The following ATXN8OS variants were observed in gnomAD, a reference collection of about 807,000 sequenced individuals.
The protein encoded by ATXN8OS is ATXN8 opposite strand lncRNA.
At position 70,150,671 on chromosome 13, in the gene ATXN8OS, C is replaced by T. The variant is rs141133580; in HGVS notation, n.573+3243C>T. 3.9e-4 allele frequency among the ~76,000 whole-genome samples: 60 copies of T among 152,120 alleles called. No individual in the cohort carries two copies. In the East Asian group the frequency reaches 0.011, roughly 28 times the overall value. ...TGTCTGTTGAAAGGCCTAATAAGCA[C>T]ATCTTTCTAAAGTAATTACTGACTC... is the stretch of plus-strand genomic sequence containing the variant. On this transcript the variant is annotated intron_variant and non_coding_transcript_variant, in intron 4 of 4. Coordinates refer to ENST00000678624, the Ensembl canonical transcript of ATXN8OS.
intron 4 of ATXN8OS, among the ~76,000 whole-genome samples, chr13:70,150,662 T>A (rs751709219): frequency 6.6e-6 from 1 of 152,048 alleles, no homozygotes; most frequent in Non-Finnish European, 1.5e-5. Context: ...TTGAAAGGCC[T>A]AATAAGCACA....
At chr13:70,168,398 A>T (rs1889104143) in intron 4 of ATXN8OS, among the ~76,000 whole-genome samples, 1 of 152,026 alleles carries the variant, frequency 6.6e-6, no homozygotes, top group Non-Finnish European at 1.5e-5. Flanking sequence ...AGCTATTTTG[A>T]AATATACAAT....
intron 1 of ATXN8OS, among the ~76,000 whole-genome samples, chr13:70,112,564 G>T (rs1227363904): frequency 6.6e-6 from 1 of 152,048 alleles, no homozygotes; most frequent in Non-Finnish European, 1.5e-5. Flanking sequence ...TTACTTAAGT[G>T]TCAATTAAGT....
Position 70,119,030 on chromosome 13 carries a change from T to C in ATXN8OS, n.398+3732T>C, listed in dbSNP as rs147746248. Among the ~76,000 whole-genome samples the C allele has an allele frequency of 3.7e-3, 570 of 152,206 alleles. 1 individual carries two copies. The highest frequency in any genetic ancestry group is 0.013 in the African/African-American group (534 of 41,544). On this transcript the variant is annotated intron_variant and non_coding_transcript_variant, in intron 2 of 4. Coordinates refer to ENST00000678624, the Ensembl canonical transcript of ATXN8OS. ...ATTTCAATAAATCAATCAGTCAGTATTGAGAATCAGCTGTGTGCTCAGCCC... is the reference window on the plus strand; with the variant it reads ...ATTTCAATAAATCAATCAGTCAGTACTGAGAATCAGCTGTGTGCTCAGCCC...
At chr13:70,132,593 A>G (rs567572144) in intron 3 of ATXN8OS, among the ~76,000 whole-genome samples, 10 of 152,206 alleles carry the variant, frequency 6.6e-5, no homozygotes, top group African/African-American at 2.4e-4. Flanking sequence ...AAACTTGCAC[A>G]TGTACCCCCA....
intron 2 of ATXN8OS, among the ~76,000 whole-genome samples, chr13:70,122,484 C>T (rs1052502115): frequency 6.0e-5 from 9 of 150,832 alleles, no homozygotes; most frequent in Non-Finnish European, 1.2e-4. Flanking sequence ...CATTCATTAT[C>T]TCCTGTCCTT....
intron 4 of ATXN8OS, among the ~76,000 whole-genome samples, chr13:70,161,558 C>T (rs1211041422): frequency 6.6e-6 from 1 of 152,048 alleles, no homozygotes. Context: ...TTCTAAAATA[C>T]CCAACCCACT....
At chr13:70,167,739 T>TTTA (rs67225755) in intron 4 of ATXN8OS, among the ~76,000 whole-genome samples, 6 of 111,332 alleles carry the variant, frequency 5.4e-5, no homozygotes, top group Non-Finnish European at 1.1e-4. Flanking sequence ...TTTTTTTTTT[T>TTTA]TTTTTTTTTT....
chr13:70,108,264 G>A (rs1440199058), intron 1 of ATXN8OS: 7 of 381,288 alleles, frequency 1.8e-5, no homozygotes, highest in Non-Finnish European at 9.3e-6. Context: ...CTGCGCCCCT[G>A]TCCCTGGCCT....
At chr13:70,169,885 C>G (rs1053260408) in exon 5 of ATXN8OS, among the ~76,000 whole-genome samples, 2 of 152,086 alleles carry the variant, frequency 1.3e-5, no homozygotes, top group Non-Finnish European at 2.9e-5. Context: ...CAGCTCCACA[C>G]CACCTCCTGG....
At chr13:70,136,101 T>A (rs12585505) in intron 3 of ATXN8OS, among the ~76,000 whole-genome samples, 34,200 of 152,084 alleles carry the variant, frequency 0.22, 4,313 homozygotes, top group East Asian at 0.53. Flanking sequence ...GACTTATTTG[T>A]TGGTGCAAAG....
intron 4 of ATXN8OS, among the ~76,000 whole-genome samples, chr13:70,150,410 T>G (rs1888851615): frequency 6.6e-6 from 1 of 152,104 alleles, no homozygotes; most frequent in Non-Finnish European, 1.5e-5. Context: ...TTACAGGGTG[T>G]AACAAGAAAG....
At chr13:70,110,928 G>T (rs1888191165) in intron 1 of ATXN8OS, among the ~76,000 whole-genome samples, 1 of 152,048 alleles carries the variant, frequency 6.6e-6, no homozygotes, top group African/African-American at 2.4e-5. Context: ...ACATAATAAA[G>T]ACCACTTTTA....
At chr13:70,136,576 A>C (rs945987669) in intron 3 of ATXN8OS, among the ~76,000 whole-genome samples, 3 of 152,014 alleles carry the variant, frequency 2.0e-5, no homozygotes, top group Non-Finnish European at 4.4e-5. Context: ...CAATTTTAAA[A>C]ATCTCCTCGT....
chr13:70,120,756 T>C (rs1888348602), intron 2 of ATXN8OS, among the ~76,000 whole-genome samples: 2 of 152,014 alleles, frequency 1.3e-5, no homozygotes, highest in Admixed American at 1.3e-4. Flanking sequence ...AAATGATGAG[T>C]TCATGTCCTT....
intron 2 of ATXN8OS, among the ~76,000 whole-genome samples, chr13:70,125,718 C>G (rs542115963): frequency 1.3e-5 from 2 of 152,224 alleles, no homozygotes; most frequent in Non-Finnish European, 2.9e-5. Context: ...CATCTTTGTT[C>G]TGAGAATTTC....
exon 1 of ATXN8OS, chr13:70,107,932 AC>A (rs1888117069): frequency 2.0e-6 from 1 of 491,130 alleles, no homozygotes; most frequent in East Asian, 3.1e-5. Flanking sequence ...GGGCGTGGGG[AC>A]ACCACCAGGC....
chr13:70,119,427 AC>A (rs1888327601), intron 2 of ATXN8OS, among the ~76,000 whole-genome samples: 1 of 152,048 alleles, frequency 6.6e-6, no homozygotes, highest in Admixed American at 6.6e-5. Flanking sequence ...TCTTTCTCTG[AC>A]CCAGTTCTGA....
chr13:70,137,059 T>C (rs928569559), intron 3 of ATXN8OS, among the ~76,000 whole-genome samples: 1 of 152,206 alleles, frequency 6.6e-6, no homozygotes, highest in Non-Finnish European at 1.5e-5. Context: ...TCAAAGTTCC[T>C]TGAAGATCAA....
Sources: gnomAD v4.1 joint callset for allele counts (sites outside exome capture counted in the v4.1 genomes callset) on GRCh38, gnomAD v4.1.1 for gene constraint, MANE v1.5 for transcripts, NCBI Gene and HGNC (gene_info 2026-07-23, HGNC 2026-07-21) for gene names.